TENM3: variants seen among roughly 807,000 people sequenced by gnomAD.
TENM3 encodes the protein teneurin transmembrane protein 3.
In TENM3, 63 loss-of-function variants were observed where a neutral mutation model predicts 255.1. The observed-to-expected ratio is 0.25, with a 90% CI of 0.20 to 0.30. The LOEUF is 0.30. TENM3 is among the 10% of genes least tolerant of loss of function. The probability of loss-of-function intolerance (pLI) is 1.00; values close to 1 mark genes in which losing one functional copy is unlikely to be tolerated. For missense variants in TENM3, 2,929 were observed against 3,461.1 expected (o/e 0.85, Z 3.86); for synonymous variants, 1,306 against 1,322.3 (o/e 0.99, Z 0.27).
At chr4:182,128,786 C>G in the TENM3 span, among the ~76,000 whole-genome samples, 19 of 152,152 alleles carry the variant, frequency 1.2e-4, no homozygotes, top group Non-Finnish European at 2.4e-4. Context: ...CATTTCATCA[C>G]TGGCACTGTA....
At chr4:181,551,383 C>A in the TENM3 span, among the ~76,000 whole-genome samples, 1 of 152,144 alleles carries the variant, frequency 6.6e-6, no homozygotes, top group Admixed American at 6.5e-5. Context: ...GGACTGGCAA[C>A]TTTGTATGGC....
chr4:181,948,479 G>A, the TENM3 span, among the ~76,000 whole-genome samples: 17 of 152,122 alleles, frequency 1.1e-4, no homozygotes, highest in Admixed American at 9.8e-4. Flanking sequence ...TCAGTGGTGC[G>A]ATCTCACCTC....
chr4:181,791,944 G>C, the TENM3 span, among the ~76,000 whole-genome samples: 1 of 152,160 alleles, frequency 6.6e-6, no homozygotes, highest in Non-Finnish European at 1.5e-5. Flanking sequence ...GTCCTCCAGG[G>C]ACAGCCACTC....
intron 5 of TENM3, among the ~76,000 whole-genome samples, chr4:182,638,133 G>A (rs1319117162): frequency 6.6e-6 from 1 of 151,786 alleles, no homozygotes; most frequent in East Asian, 1.9e-4. Context: ...GAAATTTGGG[G>A]TAACTAGATC....
chr4:181,926,311 G>T, the TENM3 span, among the ~76,000 whole-genome samples: 1 of 152,136 alleles, frequency 6.6e-6, no homozygotes. Flanking sequence ...CAGGCAAGAG[G>T]TAGAAGGGAC....
At chr4:182,271,796 A>G (rs2150220957) in intron 1 of TENM3, among the ~76,000 whole-genome samples, 1 of 152,334 alleles carries the variant, frequency 6.6e-6, no homozygotes, top group South Asian at 2.1e-4. Context: ...CAAACCCCAC[A>G]AAGAAAGTCA....
intron 3 of TENM3, among the ~76,000 whole-genome samples, chr4:182,559,812 G>A (rs945592254): frequency 1.3e-5 from 2 of 150,940 alleles, no homozygotes; most frequent in African/African-American, 2.4e-5. Flanking sequence ...ATGGTTAATG[G>A]GTACAAATAA....
At chr4:181,470,780 A>C in the TENM3 span, among the ~76,000 whole-genome samples, 1 of 152,142 alleles carries the variant, frequency 6.6e-6, no homozygotes, top group African/African-American at 2.4e-5. Context: ...ATTGCCTTGG[A>C]AAGTCAAATT....
the TENM3 span, among the ~76,000 whole-genome samples, chr4:182,059,630 C>G: frequency 5.1e-4 from 78 of 151,694 alleles, no homozygotes; most frequent in African/African-American, 1.8e-3. Context: ...TCTGTGGAAC[C>G]CTGTGCAGTG....
At chr4:182,173,882 T>C (rs1752269379) in intron 1 of TENM3, among the ~76,000 whole-genome samples, 1 of 152,212 alleles carries the variant, frequency 6.6e-6, no homozygotes, top group Non-Finnish European at 1.5e-5. Context: ...ATGTAAGTTC[T>C]CTATAGCTAT....
chr4:182,446,342 T>C (rs1772911077), intron 3 of TENM3, among the ~76,000 whole-genome samples: 1 of 152,248 alleles, frequency 6.6e-6, no homozygotes, highest in South Asian at 2.1e-4. Flanking sequence ...GTAATACTTA[T>C]ATCTAATTAG....
intron 2 of TENM3, among the ~76,000 whole-genome samples, chr4:182,343,293 T>C (rs1027760765): frequency 6.6e-6 from 1 of 152,206 alleles, no homozygotes; most frequent in Non-Finnish European, 1.5e-5. Context: ...AATGGGAAAC[T>C]CTTGTTGGCT....
the TENM3 span, among the ~76,000 whole-genome samples, chr4:181,843,701 T>C: frequency 2.0e-5 from 3 of 150,428 alleles, no homozygotes; most frequent in African/African-American, 7.3e-5. Flanking sequence ...AGGCACCGCC[T>C]CTGGTAAGGG....
At chr4:182,473,052 T>C (rs1256326505) in intron 3 of TENM3, among the ~76,000 whole-genome samples, 2 of 152,224 alleles carry the variant, frequency 1.3e-5, no homozygotes, top group Non-Finnish European at 2.9e-5. Flanking sequence ...TTATTAATAA[T>C]TTACGAAACT....
chr4:182,387,683 C>T (rs1768061425), intron 3 of TENM3, among the ~76,000 whole-genome samples: 1 of 152,018 alleles, frequency 6.6e-6, no homozygotes, highest in African/African-American at 2.4e-5. Context: ...ACTCCAGACG[C>T]GCTGCCTTAA....
At chr4:182,233,219 C>T (rs753146376) in intron 1 of TENM3, among the ~76,000 whole-genome samples, 1 of 152,140 alleles carries the variant, frequency 6.6e-6, no homozygotes, top group Admixed American at 6.5e-5. Flanking sequence ...CAGAAATTCC[C>T]GGATGCCTCC....
At chr4:182,648,766 T>G (rs1752990218) in intron 5 of TENM3, among the ~76,000 whole-genome samples, 2 of 152,172 alleles carry the variant, frequency 1.3e-5, no homozygotes. Context: ...TGACTTTCAT[T>G]CTTCTCAGTT....
chr4:181,790,074 A>C, the TENM3 span, among the ~76,000 whole-genome samples: 1 of 152,312 alleles, frequency 6.6e-6, no homozygotes, highest in Middle Eastern at 3.4e-3. Flanking sequence ...AGTTGGCATC[A>C]GAAGTAGAGT....
At chr4:181,477,251 GAGA>G in the TENM3 span, among the ~76,000 whole-genome samples, 1 of 152,144 alleles carries the variant, frequency 6.6e-6, no homozygotes. Flanking sequence ...AACTTGAGAT[GAGA>G]AGAAGGCCTG....
Sources: allele counts gnomAD v4.1 joint callset (sites outside exome capture counted in the v4.1 genomes callset), GRCh38; gene constraint gnomAD v4.1.1; transcripts MANE v1.5; gene names NCBI Gene and HGNC (gene_info 2026-07-23, HGNC 2026-07-21).